The following ADCY9 variants were observed in gnomAD, a reference collection of about 807,000 sequenced individuals.
The protein encoded by ADCY9 is adenylate cyclase 9.
Under a neutral mutation model 101.5 loss-of-function variants are expected in ADCY9, and 50 were observed. The ratio of observed to expected loss-of-function variants is 0.49; its 90% CI spans 0.39 to 0.62. ADCY9 has a LOEUF of 0.62. Ranked by LOEUF, ADCY9 falls within the 20% of genes least tolerant of loss-of-function variation. ADCY9 has a pLI of 0.00. For missense variants in ADCY9, 1,662 were observed against 1,800.4 expected, an observed-to-expected ratio of 0.92 and a Z score of 1.39; for synonymous variants, 905 against 769.3, an observed-to-expected ratio of 1.18 and a Z score of -2.92.
At chr16:4,024,264 G>A (rs562083656) in intron 2 of ADCY9, among the ~76,000 whole-genome samples, 3 of 152,062 alleles carry the variant, frequency 2.0e-5, no homozygotes, top group Admixed American at 6.6e-5. Context: ...CTCATGATCC[G>A]GCCACCTCAG....
At chr16:3,993,306 AGTT>A in intron 4 of ADCY9, 97 bp downstream of exon 4, 2 of 1,548,056 alleles carry the variant, frequency 1.3e-6, no homozygotes, top group East Asian at 4.6e-5. Flanking sequence ...ACCCAAGAGG[AGTT>A]ACTCTCAGAA....
At chr16:3,959,627 T>C (rs1394972691), downstream of ADCY9, among the ~76,000 whole-genome samples, 1 of 152,196 alleles carries the variant, frequency 6.6e-6, no homozygotes, top group Non-Finnish European at 1.5e-5. Context: ...CTGTTGGAAA[T>C]AATTCAACTA....
chr16:4,071,552 A>G (rs1034909662), intron 2 of ADCY9, among the ~76,000 whole-genome samples: 1 of 152,070 alleles, frequency 6.6e-6, no homozygotes, highest in Non-Finnish European at 1.5e-5. Flanking sequence ...TTGCAAATAA[A>G]TTGGTCTTAC....
intron 2 of ADCY9, among the ~76,000 whole-genome samples, chr16:4,103,217 G>A (rs529714660): frequency 6.6e-6 from 1 of 152,208 alleles, no homozygotes; most frequent in Non-Finnish European, 1.5e-5. Context: ...TGTTTGGGTG[G>A]CACATACAAA....
chr16:3,975,505 A>C (rs2056086120), intron 9 of ADCY9, among the ~76,000 whole-genome samples: 1 of 152,140 alleles, frequency 6.6e-6, no homozygotes, highest in Admixed American at 6.5e-5. Flanking sequence ...TCTGATACTG[A>C]CAATACTGCG....
In ADCY9 at chr16:3,964,770, C is replaced by A. The variant is rs1256948263; in HGVS notation, c.*1005G>T. The A allele has an allele frequency of 1.3e-5, 2 of 152,442 alleles. No homozygotes were observed. Among genetic ancestry groups the A allele is most frequent in the East Asian group, 3.9e-4 (2 of 5,188 alleles). The allele number at this position is 152,442 out of a possible 1,614,324, so 9.4% of individuals were successfully genotyped here. A position where few individuals can be genotyped will look rare whatever the true frequency, so the allele number is the denominator to read the frequency against. ...GGAGGTTGGGGGCGGCCCCAGGTGG[C>A]CAAAACACAAAAGAGACATCTGGTT... On this transcript the variant is annotated 3_prime_UTR_variant, in exon 11 of 11. Coordinates refer to ENST00000294016, the MANE Select transcript of ADCY9 (RefSeq NM_001116.4).
intron 2 of ADCY9, among the ~76,000 whole-genome samples, chr16:4,009,955 TGACA>T (rs2056392630): frequency 6.6e-6 from 1 of 152,136 alleles, no homozygotes; most frequent in Non-Finnish European, 1.5e-5. Flanking sequence ...GGCAGGGTGG[TGACA>T]GGAGCCACTG....
intron 6 of ADCY9, among the ~76,000 whole-genome samples, chr16:3,984,688 G>A (rs2056175484): frequency 6.6e-6 from 1 of 152,214 alleles, no homozygotes; most frequent in Admixed American, 6.5e-5. Context: ...GGCTGTGGTT[G>A]GGAGAGGAAG....
At chr16:4,087,699 A>AG (rs1338756093) in intron 2 of ADCY9, among the ~76,000 whole-genome samples, 1 of 151,804 alleles carries the variant, frequency 6.6e-6, no homozygotes, top group African/African-American at 2.4e-5. Flanking sequence ...CAGATACTAC[A>AG]GTCCTGAAGC....
intron 5 of ADCY9, 66 bp from the exon 6 acceptor site, chr16:3,989,162 C>T: frequency 8.1e-7 from 1 of 1,233,572 alleles, no homozygotes; most frequent in South Asian, 1.2e-5. Flanking sequence ...GTTTTCAGAT[C>T]ATAATTAGCT....
chr16:4,078,575 G>GAAAAAAAAAAA (rs2056882636), intron 2 of ADCY9, among the ~76,000 whole-genome samples: 2 of 68,034 alleles, frequency 2.9e-5, no homozygotes, highest in Non-Finnish European at 3.7e-5. Context: ...AAAAAAAAAA[G>GAAAAAAAAAAA]AAAACAAAAA....
chr16:3,981,451 T>C (rs2056141793), intron 7 of ADCY9, among the ~76,000 whole-genome samples: 1 of 152,172 alleles, frequency 6.6e-6, no homozygotes, highest in Non-Finnish European at 1.5e-5. Context: ...CCCATGAGGA[T>C]GGGTTTCTTT....
chr16:4,060,106 G>A (rs556971813), intron 2 of ADCY9, among the ~76,000 whole-genome samples: 1 of 152,186 alleles, frequency 6.6e-6, no homozygotes, highest in South Asian at 2.1e-4. Flanking sequence ...ATGCCCAAAG[G>A]CACTGACATA....
intron 2 of ADCY9, among the ~76,000 whole-genome samples, chr16:4,057,970 C>G (rs1029964898): frequency 3.3e-5 from 5 of 151,900 alleles, no homozygotes; most frequent in African/African-American, 1.2e-4. Context: ...ACCAGCCTGG[C>G]CAACATAGTG....
intron 9 of ADCY9, among the ~76,000 whole-genome samples, chr16:3,976,037 G>A (rs1362361446): frequency 6.6e-6 from 1 of 152,090 alleles, no homozygotes; most frequent in Non-Finnish European, 1.5e-5. Context: ...TGTCACCCAG[G>A]CTGGAGTGCA....
chr16:4,072,570 G>T (rs1220400527), intron 2 of ADCY9, among the ~76,000 whole-genome samples: 1 of 152,112 alleles, frequency 6.6e-6, no homozygotes, highest in East Asian at 1.9e-4. Flanking sequence ...AGAAGCTTGA[G>T]AACAGACATA....
At chr16:4,088,035 A>G (rs1307589759) in intron 2 of ADCY9, among the ~76,000 whole-genome samples, 3 of 151,388 alleles carry the variant, frequency 2.0e-5, no homozygotes, top group Non-Finnish European at 4.4e-5. Flanking sequence ...CCTCCCCAGT[A>G]GCTGAGACTA....
At chr16:3,993,317 G>C in intron 4 of ADCY9, 89 bp downstream of exon 4, 1 of 1,569,782 alleles carries the variant, frequency 6.4e-7, no homozygotes, top group Non-Finnish European at 8.7e-7. Flanking sequence ...GTTACTCTCA[G>C]AACTAAGAAG....
intron 10 of ADCY9, among the ~76,000 whole-genome samples, chr16:3,970,907 C>A (rs2056045573): frequency 6.6e-6 from 1 of 152,148 alleles, no homozygotes; most frequent in Admixed American, 6.5e-5. Flanking sequence ...TCCCTTCCAG[C>A]CTAAGGTTCC....
Sources: gnomAD v4.1 joint callset for allele counts (sites outside exome capture counted in the v4.1 genomes callset) on GRCh38, gnomAD v4.1.1 for gene constraint, MANE v1.5 for transcripts, NCBI Gene and HGNC (gene_info 2026-07-23, HGNC 2026-07-21) for gene names.